Variants in CPED1 observed in about 807,000 individuals in gnomAD.
CPED1 encodes the protein cadherin-like and PC-esterase domain-containing protein 1.
A neutral mutation model predicts 128.2 loss-of-function variants in CPED1; 114 were observed. That is an observed-to-expected ratio of 0.89 (90% confidence interval 0.76 to 1.04). The LOEUF (loss-of-function observed/expected upper bound fraction) is 1.04, where lower values mean the gene tolerates loss of function less well. CPED1 is among the 50% of genes least tolerant of loss of function. The probability of loss-of-function intolerance (pLI) is 0.00; values close to 1 mark genes in which losing one functional copy is unlikely to be tolerated. For synonymous variants in CPED1, 462 were observed against 426.7 expected, an observed-to-expected ratio of 1.08 and a Z score of -1.02; for missense variants, 1,211 against 1,207.1, an observed-to-expected ratio of 1.00 and a Z score of -0.05.
At chr7:121,029,688 G>C (rs148097071) in intron 3 of CPED1, among the ~76,000 whole-genome samples, 223 of 152,200 alleles carry the variant, frequency 1.5e-3, no homozygotes, top group African/African-American at 4.8e-3. Context: ...ATTTTGTGTG[G>C]TACCTGAAAT....
intron 2 of CPED1, among the ~76,000 whole-genome samples, chr7:121,011,680 A>G (rs998135475): frequency 2.0e-5 from 3 of 152,192 alleles, no homozygotes; most frequent in Non-Finnish European, 2.9e-5. Flanking sequence ...GAAAATAAAC[A>G]TAAGTTTCCA....
intron 14 of CPED1, among the ~76,000 whole-genome samples, chr7:121,138,550 G>A (rs1473832393): frequency 2.0e-5 from 3 of 152,020 alleles, no homozygotes; most frequent in Non-Finnish European, 4.4e-5. Context: ...TGAAGAGAAC[G>A]ATTGCACATT....
chr7:121,110,643 G>T (rs939181115), intron 7 of CPED1, among the ~76,000 whole-genome samples: 3 of 152,174 alleles, frequency 2.0e-5, no homozygotes, highest in Non-Finnish European at 4.4e-5. Context: ...GAGTGGTAGA[G>T]AGATTGAGAG....
At chr7:120,994,613 G>C (rs1385712166) in intron 2 of CPED1, among the ~76,000 whole-genome samples, 1 of 131,294 alleles carries the variant, frequency 7.6e-6, no homozygotes, top group Non-Finnish European at 1.7e-5. Flanking sequence ...AGAATTCAAA[G>C]TATTTGTTAT....
At chr7:121,273,822 C>G (rs1027580473) in intron 22 of CPED1, among the ~76,000 whole-genome samples, 2 of 152,102 alleles carry the variant, frequency 1.3e-5, no homozygotes, top group Non-Finnish European at 2.9e-5. Flanking sequence ...GTTTAGAGTA[C>G]TTATCCTATT....
chr7:121,079,803 T>C (rs1278325073), intron 5 of CPED1, among the ~76,000 whole-genome samples: 2 of 152,242 alleles, frequency 1.3e-5, no homozygotes, highest in Non-Finnish European at 2.9e-5. Context: ...GGTGTTTGAC[T>C]TCTATACTTA....
intron 2 of CPED1, chr7:120,993,873 A>C (rs754851374): frequency 7.1e-5 from 16 of 224,180 alleles, no homozygotes; most frequent in Non-Finnish European, 1.4e-4. Context: ...CCTTTTGTTG[A>C]TTGGAGTCCC....
chr7:121,079,047 G>A (rs151015698), intron 5 of CPED1, among the ~76,000 whole-genome samples: 47 of 152,230 alleles, frequency 3.1e-4, no homozygotes, highest in African/African-American at 1.0e-3. Flanking sequence ...CAGGACATCA[G>A]CCATATTGGA....
intron 22 of CPED1, among the ~76,000 whole-genome samples, chr7:121,278,552 T>G (rs886704814): frequency 1.3e-5 from 2 of 152,166 alleles, no homozygotes. Context: ...CTACACTCCT[T>G]TTTTAGAAAT....
intron 3 of CPED1, among the ~76,000 whole-genome samples, chr7:121,035,248 A>G (rs1405060370): frequency 6.6e-6 from 1 of 152,180 alleles, no homozygotes; most frequent in Non-Finnish European, 1.5e-5. Flanking sequence ...TGTTCTGACA[A>G]GGATGAGATC....
intron 18 of CPED1, among the ~76,000 whole-genome samples, chr7:121,256,343 A>G (rs1170482966): frequency 6.6e-6 from 1 of 152,000 alleles, no homozygotes; most frequent in Non-Finnish European, 1.5e-5. Context: ...AAGGCTCTTT[A>G]TTCAATAAAT....
chr7:121,007,165 G>A (rs1269511473), intron 2 of CPED1, among the ~76,000 whole-genome samples: 3 of 151,506 alleles, frequency 2.0e-5, no homozygotes, highest in African/African-American at 2.4e-5. Context: ...CACTGGAGCC[G>A]AAGCTATACC....
At chr7:121,230,975 T>C (rs1340423749) in intron 16 of CPED1, among the ~76,000 whole-genome samples, 1 of 152,036 alleles carries the variant, frequency 6.6e-6, no homozygotes, top group African/African-American at 2.4e-5. Context: ...AGGAAACAGA[T>C]GACTATGTGT....
At chr7:120,999,824 TAAAC>T (rs747372779) in intron 2 of CPED1, among the ~76,000 whole-genome samples, 42 of 152,194 alleles carry the variant, frequency 2.8e-4, no homozygotes, top group Non-Finnish European at 2.5e-4. Flanking sequence ...TGAGAGAACT[TAAAC>T]AAATTCAAAT....
intron 3 of CPED1, among the ~76,000 whole-genome samples, chr7:121,039,740 A>C (rs1026903515): frequency 6.6e-6 from 1 of 152,076 alleles, no homozygotes; most frequent in Non-Finnish European, 1.5e-5. Context: ...AAATCATTTA[A>C]AAAAACTAGG....
Position 121,275,936 on chromosome 7 carries a change from T to TAA in CPED1, c.2868+4518_2868+4519dup, listed in dbSNP as rs5887026. Among the ~76,000 whole-genome samples, 169 of 129,430 alleles carry TAA rather than the reference T, an allele frequency of 1.3e-3. 1 individual carries two copies. Among genetic ancestry groups the TAA allele is most frequent in the African/African-American group, 4.5e-3 (160 of 35,940 alleles). 84.9% of individuals were successfully genotyped at this position (129,430 alleles called of 152,430 possible). ...AGAAAGAAACTTTAAATTCATCCGG[T>TAA]AAAAAAAAAAAAACTGAAATAATGA... On this transcript the variant is annotated intron_variant, in intron 22 of 22. Coordinates refer to ENST00000310396, the MANE Select transcript of CPED1 (RefSeq NM_024913.5).
intron 16 of CPED1, among the ~76,000 whole-genome samples, chr7:121,187,246 G>A (rs922860997): frequency 5.3e-5 from 8 of 152,270 alleles, no homozygotes; most frequent in African/African-American, 1.7e-4. Context: ...CCAGTAGGTC[G>A]GTAGGATTGT....
chr7:121,128,293 C>A, intron 10 of CPED1, 89 bp from the exon 11 acceptor site: 3 of 719,624 alleles, frequency 4.2e-6, no homozygotes, highest in South Asian at 3.3e-5. Flanking sequence ...AACTCAAAAT[C>A]TGATTGGTTG....
chr7:121,036,507 AT>A (rs1302763163), intron 3 of CPED1, among the ~76,000 whole-genome samples: 134 of 133,902 alleles, frequency 1.0e-3, no homozygotes, highest in African/African-American at 3.7e-3. Flanking sequence ...ATATATATAT[AT>A]TTTTTTTTTC....
Sources: gnomAD v4.1 joint callset for allele counts (sites outside exome capture counted in the v4.1 genomes callset) on GRCh38, gnomAD v4.1.1 for gene constraint, MANE v1.5 for transcripts, NCBI Gene and HGNC (gene_info 2026-07-23, HGNC 2026-07-21) for gene names.